SLC4A2: variants seen among roughly 807,000 people sequenced by gnomAD.
The protein encoded by SLC4A2 is anion exchange protein 2.
In SLC4A2, 36 loss-of-function variants were observed where a neutral mutation model predicts 115.0. The observed-to-expected ratio is 0.31, with a 90% CI of 0.24 to 0.41. The LOEUF is 0.41. Among genes scored for constraint, SLC4A2 ranks in the 10% least tolerant of loss-of-function variants. The pLI is 1.00. For missense variants in SLC4A2, 1,252 were observed against 1,705.6 expected, an observed-to-expected ratio of 0.73 and a Z score of 4.68; for synonymous variants, 708 against 708.3, an observed-to-expected ratio of 1.00 and a Z score of 0.01.
intron 5 of SLC4A2, among the ~76,000 whole-genome samples, 192 bp downstream of exon 5, chr7:151,065,158 A>T (rs1797188669): frequency 6.6e-6 from 1 of 152,232 alleles, no homozygotes. Context: ...AACCAAGCAT[A>T]ACAGAACGTT....
chr7:151,075,883 A>C (rs1797613009), intron 21 of SLC4A2, 108 bp downstream of exon 21: 2 of 1,402,080 alleles, frequency 1.4e-6, no homozygotes, highest in Non-Finnish European at 9.7e-7. Context: ...GCCAGCCCCC[A>C]CCTCCTCTCT....
At position 151,071,373 on chromosome 7, in the gene SLC4A2, G is replaced by A. The variant is rs374233085; in HGVS notation, c.1976-17G>A. ...GCAAGAGGGGCTGGGGCGCCCTGAC[G>A]GAGGCCTGGGTTGCAGCGCTCCTGC... On this transcript the variant is annotated splice_polypyrimidine_tract_variant and intron_variant, in intron 13 of 22. Coordinates refer to ENST00000413384, the MANE Select transcript of SLC4A2 (RefSeq NM_003040.4). This position sits in a 1 kb window ranked among gnomAD's most constrained non-coding sequence, Gnocchi z 5.5. 42 of 1,574,474 alleles carry A rather than the reference G, an allele frequency of 2.7e-5. No homozygotes were observed. The highest frequency in any genetic ancestry group is 1.8e-4 in the Admixed American group (10 of 56,452).
At chr7:151,066,297 G>T (rs573802598) in intron 5 of SLC4A2, among the ~76,000 whole-genome samples, 1 of 152,328 alleles carries the variant, frequency 6.6e-6, no homozygotes, top group South Asian at 2.1e-4. Context: ...CGGGGTGACC[G>T]TTTGGGGCTG....
At chr7:151,074,650 TC>T (rs1797555229) in intron 18 of SLC4A2, 24 bp from the exon 19 acceptor site, 1 of 1,586,516 alleles carries the variant, frequency 6.3e-7, no homozygotes, top group African/African-American at 1.4e-5. Flanking sequence ...TTAACCCTTG[TC>T]CCTACACTGT....
chr7:151,076,170 A>T lies in SLC4A2; in HGVS notation c.3629A>T (p.Asp1210Val). The part of the protein sequence containing the change: ...RMVVLTRIFT[D>V]REMKCLDANE... ...GTGGTGCTCACCCGTATCTTCACCG[A>T]CCGAGAGATGAAATGTGTAAGCCCT... The change falls in exon 22 of 23, where the codon GAC becomes GTC. Residue 1210 changes from aspartate (D) to valine (V), a missense_variant. Transcript: ENST00000413384. 1 of 1,610,632 alleles carries T rather than the reference A, an allele frequency of 6.2e-7. No individual in the cohort carries two copies. The highest frequency in any genetic ancestry group is 8.5e-7 in the Non-Finnish European group (1 of 1,179,712).
intron 16 of SLC4A2, among the ~76,000 whole-genome samples, chr7:151,073,823 C>G (rs947356304): frequency 6.6e-6 from 1 of 152,206 alleles, no homozygotes; most frequent in Non-Finnish European, 1.5e-5. Flanking sequence ...TCACCACTGC[C>G]TTCCTGACTT....
At chr7:151,075,552 G>T (rs1310563866) in intron 20 of SLC4A2, 44 bp downstream of exon 20, 1 of 1,589,886 alleles carries the variant, frequency 6.3e-7, no homozygotes, top group South Asian at 1.1e-5. Context: ...ATTCCCCAGG[G>T]CTACTGGGGC....
At position 151,071,321 on chromosome 7, in the gene SLC4A2, C is replaced by G. The variant is rs1361604635; in HGVS notation, c.1975+24C>G. The G allele has an allele frequency of 1.3e-6, 2 of 1,544,626 alleles. No individual in the cohort carries two copies. The highest frequency in any genetic ancestry group is 2.7e-5 in the African/African-American group (2 of 73,284). On this transcript the variant is annotated intron_variant, in intron 13 of 22. Transcript: ENST00000413384. The surrounding 1 kb of genome is among the most constrained non-coding windows in gnomAD (Gnocchi z 5.5). ...GGGTACGGCCAGGGCGGGCTGGGGC[C>G]AGGGCTGCCTCGAGGGGGTGAGGTG...
intron 7 of SLC4A2, 145 bp downstream of exon 7, chr7:151,067,138 G>A (rs1797263599): frequency 4.6e-6 from 4 of 871,892 alleles, no homozygotes. Context: ...GCCCAGGATG[G>A]AGTGCAGTGG....
chr7:151,072,012 C>T lies in SLC4A2; in HGVS notation c.2411C>T (p.Ala804Val), dbSNP rs1421041477. ...ATCGGCTTCTGGCTGGTGTTCCTGG[C>T]CCTGCTCATGGTGGCCCTGGAGGGG... ...VWIGFWLVFL[A>V]LLMVALEGSF... is the part of the protein sequence containing the mutation. Residue 804 changes from alanine to valine, a missense_variant, in exon 16 of 23, where the codon GCC becomes GTC. Physicochemically the swap from Ala to Val is moderately conservative, Grantham distance 64. This residue lies in a region of SLC4A2 where 118 missense variants were observed against 203.3 expected (regional missense o/e 0.58). Coordinates refer to ENST00000413384, the MANE Select transcript of SLC4A2 (RefSeq NM_003040.4). 1.9e-6 allele frequency: 3 copies of T among 1,613,660 alleles called. No homozygotes were observed. In the African/African-American group the frequency reaches 4.0e-5, roughly 22 times the overall value.
intron 5 of SLC4A2, among the ~76,000 whole-genome samples, chr7:151,066,197 A>C (rs964544590): frequency 3.3e-5 from 5 of 152,086 alleles, no homozygotes; most frequent in African/African-American, 9.7e-5. Flanking sequence ...CTTTTCCAAA[A>C]TCTCACCCCT....
In SLC4A2 at chr7:151,068,068, C is replaced by T. The variant is rs1310720732; in HGVS notation, c.1147+14C>T. On this transcript the variant is annotated intron_variant, in intron 8 of 22. Coordinates refer to ENST00000413384, the MANE Select transcript of SLC4A2 (RefSeq NM_003040.4). The stretch of plus-strand genomic sequence containing the variant: ...CCCTGGCCCATGGTAACCCCGCTCC[C>T]CTCCACCTCCCGCCTGGCCAGTCCC... The T allele has an allele frequency of 6.9e-7, 1 of 1,449,372 alleles. No individual in the cohort carries two copies. Among genetic ancestry groups the T allele is most frequent in the Non-Finnish European group, 9.1e-7 (1 of 1,103,682 alleles). The allele number at this position is 1,449,372 out of a possible 1,614,324, so 89.8% of individuals were successfully genotyped here. A position where few individuals can be genotyped will look rare whatever the true frequency, so the allele number is the denominator to read the frequency against.
At position 151,074,210 on chromosome 7, in the gene SLC4A2, C is replaced by T. The variant is rs776294640; in HGVS notation, c.2707C>T (p.Leu903=). The T allele has an allele frequency of 2.5e-6, 4 of 1,613,044 alleles. No homozygotes were observed. The highest frequency in any genetic ancestry group is 3.4e-6 in the Non-Finnish European group (4 of 1,179,986). Residue 903 remains leucine (L), a synonymous_variant, in exon 17 of 23, where the codon CTG becomes TTG. Coordinates refer to ENST00000413384, the MANE Select transcript of SLC4A2 (RefSeq NM_003040.4). ...CCGGGGCCAGCCCAACACGGCCCTG[C>T]TGTCGCTGGTGCTCATGGCCGGCAC... The part of the protein sequence containing the change: ...KPRGQPNTAL[L]SLVLMAGTFF...
intron 19 of SLC4A2, 47 bp from the exon 20 acceptor site, chr7:151,075,208 G>T: frequency 1.9e-6 from 3 of 1,607,058 alleles, no homozygotes; most frequent in East Asian, 2.2e-5. Context: ...TGTGGTCTGC[G>T]GAGCTGAGTC....
At chr7:151,065,896 G>GA (rs1797212820) in intron 5 of SLC4A2, among the ~76,000 whole-genome samples, 2 of 152,134 alleles carry the variant, frequency 1.3e-5, no homozygotes, top group Non-Finnish European at 2.9e-5. Flanking sequence ...GAGAGGGGTA[G>GA]GACCACGTGG....
chr7:151,068,879 C>A (rs1218428451), intron 8 of SLC4A2, among the ~76,000 whole-genome samples: 1 of 151,280 alleles, frequency 6.6e-6, no homozygotes, highest in Non-Finnish European at 1.5e-5. Flanking sequence ...GTGGCTCATG[C>A]CTATAATCCC....
Position 151,074,658 on chromosome 7 carries a change from CTG to C in SLC4A2, c.2881-13_2881-12del. ...ATTCACCTTAACCCTTGTCCCTACA[CTG>C]TGTCTGCCCTGCAGAAGCTGAGCGT... On this transcript the variant is annotated splice_polypyrimidine_tract_variant and intron_variant, in intron 18 of 22. Coordinates refer to ENST00000413384, the MANE Select transcript of SLC4A2 (RefSeq NM_003040.4). The C allele has an allele frequency of 6.3e-7, 1 of 1,589,814 alleles. No homozygotes were observed. Among genetic ancestry groups the C allele is most frequent in the Non-Finnish European group, 8.6e-7 (1 of 1,167,810 alleles).
rs777554845 is a variant in SLC4A2, at chr7:151,070,848, G to A, written c.1686G>A (p.Pro562=). ...PVRFLFLLLG[P]SSANMDYHEI... ...GTTTCCTCTTCCTGCTGCTGGGCCC[G>A]AGTAGTGCCAACATGGACTACCACG... The change falls in exon 12 of 23, where the codon CCG becomes CCA. Residue 562 remains proline (P), a synonymous_variant. Transcript: ENST00000413384. 18 of 1,613,744 alleles carry A rather than the reference G, an allele frequency of 1.1e-5. No individual in the cohort carries two copies. The highest frequency in any genetic ancestry group is 5.0e-5 in the Admixed American group (3 of 60,018).
intron 22 of SLC4A2, 21 bp from the exon 23 acceptor site, chr7:151,076,266 C>G: frequency 6.3e-7 from 1 of 1,579,378 alleles, no homozygotes. Context: ...CCCTTCTTGA[C>G]CGCCACCTCC....
Sources: gnomAD v4.1 joint callset for allele counts (sites outside exome capture counted in the v4.1 genomes callset) on GRCh38, gnomAD v4.1.1 for gene constraint, gnomAD v4.1.1 regional missense constraint, Gnocchi (gnomAD v3.1) non-coding constraint, MANE v1.5 for transcripts, NCBI Gene and HGNC (gene_info 2026-07-23, HGNC 2026-07-21) for gene names.